CTNNBL1: variants seen among roughly 807,000 people sequenced by gnomAD.
CTNNBL1 encodes beta-catenin-like protein 1.
CTNNBL1 carries 31 observed loss-of-function variants against 72.7 expected under a neutral mutation model. The observed-to-expected ratio is 0.43, with a 90% confidence interval of 0.32 to 0.58. The LOEUF (loss-of-function observed/expected upper bound fraction) is 0.58. Among genes scored for constraint, CTNNBL1 ranks in the 20% least tolerant of loss-of-function variants. CTNNBL1 has a pLI of 0.08. For synonymous variants in CTNNBL1, 240 were observed against 267.3 expected, an observed-to-expected ratio of 0.90 and a Z score of 1.00; for missense variants, 534 against 725.1, an observed-to-expected ratio of 0.74 and a Z score of 3.03.
At chr20:37,817,847 C>A (rs1032834049) in intron 11 of CTNNBL1, among the ~76,000 whole-genome samples, 1 of 152,194 alleles carries the variant, frequency 6.6e-6, no homozygotes, top group Non-Finnish European at 1.5e-5. Flanking sequence ...AGATGCTTAA[C>A]AAATGTAAGT....
intron 7 of CTNNBL1, among the ~76,000 whole-genome samples, chr20:37,776,584 A>G (rs771015409): frequency 2.6e-5 from 4 of 152,074 alleles, no homozygotes; most frequent in African/African-American, 9.7e-5. Flanking sequence ...CTCTCTATGC[A>G]CCTTTATCCA....
intron 4 of CTNNBL1, among the ~76,000 whole-genome samples, chr20:37,752,063 GAAAC>G (rs1392456109): frequency 2.0e-5 from 3 of 152,310 alleles, no homozygotes; most frequent in Non-Finnish European, 4.4e-5. Context: ...AATGTAACTT[GAAAC>G]AAACAGACAA....
intron 13 of CTNNBL1, among the ~76,000 whole-genome samples, chr20:37,845,104 CT>C (rs2072336223): frequency 6.6e-6 from 1 of 152,124 alleles, no homozygotes; most frequent in Admixed American, 6.6e-5. Flanking sequence ...TTTAGTAAGC[CT>C]TTTAGTAAGC....
intron 11 of CTNNBL1, among the ~76,000 whole-genome samples, chr20:37,804,534 G>A (rs1427217814): frequency 6.6e-6 from 1 of 152,190 alleles, no homozygotes; most frequent in Non-Finnish European, 1.5e-5. Flanking sequence ...TGGTCTGTAA[G>A]ATGAGGGAAG....
chr20:37,783,841 A>G (rs753311174), intron 10 of CTNNBL1, among the ~76,000 whole-genome samples: 1 of 152,184 alleles, frequency 6.6e-6, no homozygotes, highest in Admixed American at 6.5e-5. Flanking sequence ...CAGCTTTTGG[A>G]TGATATGGTT....
intron 7 of CTNNBL1, among the ~76,000 whole-genome samples, chr20:37,770,421 C>T (rs775372519): frequency 1.5e-4 from 23 of 152,158 alleles, no homozygotes; most frequent in Non-Finnish European, 2.5e-4. Context: ...ACGTTAGGGA[C>T]GCAACCTTGA....
intron 11 of CTNNBL1, among the ~76,000 whole-genome samples, chr20:37,814,739 A>C (rs969207914): frequency 2.6e-5 from 4 of 151,926 alleles, no homozygotes; most frequent in Non-Finnish European, 5.9e-5. Context: ...ATAATGAAAG[A>C]AAAAAAACGG....
chr20:37,727,320 G>A lies in CTNNBL1; in HGVS notation c.31-5559G>A, dbSNP rs6122927. ...TTTTCAGGGGCATGGATGGAGACAC[G>A]CACACACACAGGCAATAGGCCTCAA... On this transcript the variant is annotated intron_variant, in intron 1 of 15. Transcript: ENST00000361383. 676 of 982,494 alleles carry A rather than the reference G, an allele frequency of 6.9e-4. 8 individuals are homozygous for A. In the East Asian group the frequency reaches 0.018, roughly 26 times the overall value. The allele number at this position is 982,494 out of a possible 1,614,324, so 60.9% of individuals were successfully genotyped here.
At chr20:37,706,932 A>T (rs1466475780) in intron 1 of CTNNBL1, among the ~76,000 whole-genome samples, 1 of 152,242 alleles carries the variant, frequency 6.6e-6, no homozygotes, top group African/African-American at 2.4e-5. Context: ...ATTAACATTC[A>T]TCTCCTTGTA....
chr20:37,837,816 C>T (rs1280994344), intron 11 of CTNNBL1, among the ~76,000 whole-genome samples: 1 of 152,178 alleles, frequency 6.6e-6, no homozygotes, highest in Non-Finnish European at 1.5e-5. Flanking sequence ...TACCATGTGC[C>T]AGACATTGTT....
intron 11 of CTNNBL1, among the ~76,000 whole-genome samples, chr20:37,835,840 G>A (rs1309427135): frequency 1.3e-5 from 2 of 152,138 alleles, no homozygotes; most frequent in East Asian, 1.9e-4. Context: ...AAAATGAAGT[G>A]TGGGTGCCGA....
chr20:37,779,761 T>G (rs1237802805), intron 10 of CTNNBL1, among the ~76,000 whole-genome samples: 4 of 152,196 alleles, frequency 2.6e-5, no homozygotes, highest in Admixed American at 6.5e-5. Context: ...TTTTCACTCC[T>G]CATTCAGTAA....
intron 15 of CTNNBL1, among the ~76,000 whole-genome samples, chr20:37,864,760 A>G (rs1302374849): frequency 6.6e-6 from 1 of 152,162 alleles, no homozygotes; most frequent in Non-Finnish European, 1.5e-5. Context: ...GGTGCTCGGC[A>G]CCCTGACTGG....
At chr20:37,741,077 C>G (rs1236121466) in intron 3 of CTNNBL1, among the ~76,000 whole-genome samples, 3 of 152,224 alleles carry the variant, frequency 2.0e-5, no homozygotes, top group Non-Finnish European at 2.9e-5. Context: ...GAAGCAAATG[C>G]ACATGGGCAG....
intron 10 of CTNNBL1, 68 bp downstream of exon 10, chr20:37,779,403 G>C (rs1600482818): frequency 6.4e-7 from 1 of 1,551,656 alleles, no homozygotes; most frequent in East Asian, 2.3e-5. Context: ...CTGAATTCAA[G>C]AGCATGTAGC....
intron 1 of CTNNBL1, among the ~76,000 whole-genome samples, chr20:37,706,944 A>G (rs970774644): frequency 1.3e-5 from 2 of 152,210 alleles, no homozygotes; most frequent in African/African-American, 4.8e-5. Flanking sequence ...CTCCTTGTAC[A>G]TCTCCATCAG....
chr20:37,755,299 A>G (rs1440162740), intron 4 of CTNNBL1, among the ~76,000 whole-genome samples: 1 of 152,214 alleles, frequency 6.6e-6, no homozygotes, highest in Admixed American at 6.5e-5. Flanking sequence ...AGTCAAGGGT[A>G]GCTCTAGGGT....
intron 11 of CTNNBL1, among the ~76,000 whole-genome samples, chr20:37,818,926 T>C (rs1291897266): frequency 2.6e-5 from 4 of 152,206 alleles, no homozygotes; most frequent in African/African-American, 9.7e-5. Context: ...TTTTCATATG[T>C]CAAGTTTTCT....
chr20:37,842,200 T>A (rs2072309743), intron 12 of CTNNBL1, 139 bp from the exon 13 acceptor site: 3 of 648,856 alleles, frequency 4.6e-6, no homozygotes, highest in Non-Finnish European at 8.4e-6. Context: ...TAAGCAAAGC[T>A]TCTCTCATCC....
Sources: allele counts gnomAD v4.1 joint callset (sites outside exome capture counted in the v4.1 genomes callset), GRCh38; gene constraint gnomAD v4.1.1; transcripts MANE v1.5; gene names NCBI Gene and HGNC (gene_info 2026-07-23, HGNC 2026-07-21).